The following ZGRF1 variants were observed in gnomAD, a reference collection of about 807,000 sequenced individuals.
ZGRF1 encodes 5'-3' DNA helicase ZGRF1.
ZGRF1 carries 196 observed loss-of-function variants against 203.5 expected under a neutral mutation model. That is an observed-to-expected ratio of 0.96 (90% confidence interval 0.86 to 1.08). The LOEUF is 1.08. Ranked by LOEUF, ZGRF1 falls within the 50% of genes least tolerant of loss-of-function variation. The pLI, the probability that ZGRF1 is intolerant of heterozygous loss-of-function variation, is 0.00. For missense variants in ZGRF1, 2,326 were observed against 2,416.3 expected, an observed-to-expected ratio of 0.96 and a Z score of 0.78; for synonymous variants, 809 against 841.3, an observed-to-expected ratio of 0.96 and a Z score of 0.66.
At chr4:112,617,278 C>T (rs1578460874) in intron 6 of ZGRF1, among the ~76,000 whole-genome samples, 162 bp downstream of exon 6, 3 of 152,262 alleles carry the variant, frequency 2.0e-5, no homozygotes, top group Admixed American at 1.3e-4. Flanking sequence ...GGGGACTTTT[C>T]ATTGCTACTA....
chr4:112,564,964 G>T, intron 16 of ZGRF1: 1 of 825,156 alleles, frequency 1.2e-6, no homozygotes, highest in Non-Finnish European at 2.2e-6. Flanking sequence ...GGAGAAATGA[G>T]GTAAGTAAGG....
At position 112,592,096 on chromosome 4, in the gene ZGRF1, CTTTTTTTTTTT is replaced by C. The variant is rs961223953; in HGVS notation, c.2977-2233_2977-2223del. Among the ~76,000 whole-genome samples, 36 of 128,578 alleles carry C rather than the reference CTTTTTTTTTTT, an allele frequency of 2.8e-4. No individual in the cohort carries two copies. In the East Asian group the frequency reaches 7.9e-3, roughly 28 times the overall value. The allele number at this position is 128,578 out of a possible 152,430, so 84.4% of individuals were successfully genotyped here. ...TCCATTTTCTTACCTCTCATTCATT[CTTTTTTTTTTT>C]TTTTTTTTGAGATCAAGTCTCACTG... is the stretch of plus-strand genomic sequence containing the variant. On this transcript the variant is annotated intron_variant, in intron 10 of 27. Coordinates refer to ENST00000505019, the MANE Select transcript of ZGRF1 (RefSeq NM_018392.5).
At chr4:112,605,916 A>G (rs62316615) in intron 9 of ZGRF1, 92 bp downstream of exon 9, 68,278 of 841,520 alleles carry the variant, frequency 0.081, 3,696 homozygotes, top group East Asian at 0.2. Flanking sequence ...TCTGCCTGTG[A>G]AAACTCTGAT....
chr4:112,584,410 ATT>A (rs1306671590), intron 14 of ZGRF1, among the ~76,000 whole-genome samples: 1 of 152,152 alleles, frequency 6.6e-6, no homozygotes, highest in African/African-American at 2.4e-5. Context: ...TTATTTGAAA[ATT>A]TGTTTTTCTG....
chr4:112,589,807 T>A lies in ZGRF1; in HGVS notation c.3044A>T (p.Asp1015Val), dbSNP rs1747843729. ...PVSTFSLNSR[D>V]EDFMVEFSET... ...AGAGAATTCTACCATGAAGTCTTCA[T>A]CTCTTGAGTTCAAAGAAAAGGTAGA... The change falls in exon 11 of 28, where the codon GAT (aspartate) becomes GTT (valine). Residue 1015 changes from aspartate to valine, a missense_variant. By Grantham distance (152) the Asp-to-Val change is radical (BLOSUM62 -3). Coordinates refer to ENST00000505019, the MANE Select transcript of ZGRF1 (RefSeq NM_018392.5). 1 of 1,613,380 alleles carries A rather than the reference T, an allele frequency of 6.2e-7. No homozygotes were observed.
At chr4:112,577,934 T>C (rs1235603664) in intron 16 of ZGRF1, among the ~76,000 whole-genome samples, 1 of 119,768 alleles carries the variant, frequency 8.3e-6, no homozygotes, top group Non-Finnish European at 1.9e-5. Flanking sequence ...GCGGACCTAA[T>C]AGATATCTAC....
chr4:112,544,372 T>C (rs1738319550), intron 24 of ZGRF1, among the ~76,000 whole-genome samples: 1 of 152,172 alleles, frequency 6.6e-6, no homozygotes, highest in African/African-American at 2.4e-5. Context: ...CTTAAAAAAG[T>C]ACTTGTCATT....
chr4:112,570,910 C>G (rs1188533560), intron 16 of ZGRF1, among the ~76,000 whole-genome samples: 9 of 152,090 alleles, frequency 5.9e-5, no homozygotes, highest in Admixed American at 5.9e-4. Context: ...CAAGACCAAC[C>G]TGGCCACCAT....
chr4:112,617,004 G>C (rs1384460685), intron 6 of ZGRF1, among the ~76,000 whole-genome samples: 1 of 152,018 alleles, frequency 6.6e-6, no homozygotes, highest in African/African-American at 2.4e-5. Flanking sequence ...AAGCATGGTG[G>C]TGCATGCCTG....
chr4:112,610,652 C>T (rs1025347779), intron 7 of ZGRF1: 2 of 152,298 alleles, frequency 1.3e-5, no homozygotes, highest in African/African-American at 4.8e-5. Flanking sequence ...CAAATAATTA[C>T]TTCTACTTCT....
At chr4:112,571,565 T>C (rs80087349) in intron 16 of ZGRF1, among the ~76,000 whole-genome samples, 5 of 149,674 alleles carry the variant, frequency 3.3e-5, no homozygotes, top group Admixed American at 2.7e-4. Context: ...TTTTTTTTTT[T>C]CTGAGACAAG....
rs976890069 is a variant in ZGRF1, at chr4:112,586,502, G to A, written c.3859C>T (p.Pro1287Ser). The A allele has an allele frequency of 1.2e-6, 2 of 1,613,182 alleles. No homozygotes were observed. The highest frequency in any genetic ancestry group is 2.2e-5 in the East Asian group (1 of 44,822). Reference sequence around the variant, plus strand: ...TGAGCAGGAGACTGAAAAACAGCTGGTATGTGAATTTGCCTTTGGGGAAGA... The same window carrying A: ...TGAGCAGGAGACTGAAAAACAGCTGATATGTGAATTTGCCTTTGGGGAAGA... ...AYLPQRQIHI[P>S]AVFQSPAHYK... is the part of the protein sequence containing the mutation. Residue 1287 changes from proline (P) to serine (S), a missense_variant, in exon 13 of 28, where the codon CCA (proline) becomes TCA (serine). Transcript: ENST00000505019.
At chr4:112,542,605 C>T (rs1164211429) in intron 24 of ZGRF1, among the ~76,000 whole-genome samples, 1 of 151,964 alleles carries the variant, frequency 6.6e-6, no homozygotes, top group Non-Finnish European at 1.5e-5. Flanking sequence ...TTTGTTTTTA[C>T]CTTTTTTCTT....
intron 19 of ZGRF1, among the ~76,000 whole-genome samples, chr4:112,559,999 G>A (rs1741656415): frequency 6.6e-6 from 1 of 152,032 alleles, no homozygotes; most frequent in Non-Finnish European, 1.5e-5. Flanking sequence ...AATATGAGGA[G>A]GATTAAGAGA....
intron 16 of ZGRF1, among the ~76,000 whole-genome samples, chr4:112,573,574 A>G (rs992662118): frequency 3.3e-5 from 5 of 152,174 alleles, no homozygotes; most frequent in African/African-American, 1.2e-4. Flanking sequence ...TAAAGATTTA[A>G]ATGTCAAAAA....
Position 112,539,481 on chromosome 4 carries a change from T to G in ZGRF1, c.*66A>C, listed in dbSNP as rs1253177013. ...AAGAGGGTTTAGAGTAATAAAAATA[T>G]AAAAAATATATCATGTAAAATGAGT... On this transcript the variant is annotated 3_prime_UTR_variant, in exon 28 of 28. Transcript: ENST00000505019. 4 of 820,634 alleles carry G rather than the reference T, an allele frequency of 4.9e-6. No homozygotes were observed. In the East Asian group the frequency reaches 8.2e-5, roughly 17 times the overall value. The allele number at this position is 820,634 out of a possible 1,614,324, so 50.8% of individuals were successfully genotyped here. A position where few individuals can be genotyped will look rare whatever the true frequency, so the allele number is the denominator to read the frequency against.
chr4:112,601,060 G>A (rs1749873909), intron 10 of ZGRF1, among the ~76,000 whole-genome samples: 1 of 148,846 alleles, frequency 6.7e-6, no homozygotes, highest in African/African-American at 2.5e-5. Context: ...GCAAAATCAC[G>A]CCACTGCACT....
In ZGRF1 at chr4:112,620,163, C is replaced by G; in HGVS notation, c.190G>C (p.Asp64His). Reference protein sequence around the residue: ...EVKPGDDLESDRYLITVEEVK... With the variant: ...EVKPGDDLESHRYLITVEEVK... ...TCTTCAACTGTGATTAAGTATCGATCACTTTCTAAGTCATCTCCAGGTTTC... is the reference window on the plus strand; with the variant it reads ...TCTTCAACTGTGATTAAGTATCGATGACTTTCTAAGTCATCTCCAGGTTTC... Residue 64 changes from aspartate to histidine, a missense_variant, in exon 5 of 28, where the codon GAT becomes CAT. Asp to His is a moderately conservative substitution (Grantham distance 81). Coordinates refer to ENST00000505019, the MANE Select transcript of ZGRF1 (RefSeq NM_018392.5). 6.2e-7 allele frequency: 1 copy of G among 1,607,090 alleles called. No individual in the cohort carries two copies.
chr4:112,635,164 ATCCTATCTCCCTCCCCTCCGGCGT>A, intron 1 of ZGRF1, among the ~76,000 whole-genome samples: 1 of 151,610 alleles, frequency 6.6e-6, no homozygotes, highest in African/African-American at 2.4e-5. Context: ...CAACTTCCAC[ATCCTATCTCCCTCCCCTCCGGCGT>A]ACATAAATTG....
Sources: allele counts gnomAD v4.1 joint callset (sites outside exome capture counted in the v4.1 genomes callset), GRCh38; gene constraint gnomAD v4.1.1; transcripts MANE v1.5; gene names NCBI Gene and HGNC (gene_info 2026-07-23, HGNC 2026-07-21).